Variants in LRIT3 observed in about 807,000 individuals in gnomAD.
LRIT3 encodes the protein leucine-rich repeat, immunoglobulin-like domain and transmembrane domain-containing protein 3.
In LRIT3, 14 loss-of-function variants were observed where a neutral mutation model predicts 22.6. The observed-to-expected ratio is 0.62, with a 90% CI of 0.41 to 0.97. LRIT3 has a LOEUF of 0.97. LRIT3 is among the 50% of genes least tolerant of loss of function. The pLI is 0.00. For missense variants in LRIT3, 783 were observed against 803.0 expected (o/e 0.98, Z 0.30); for synonymous variants, 306 against 304.5 (o/e 1.01, Z -0.05).
At chr4:109,869,503 T>C in intron 3 of LRIT3, 142 bp from the exon 4 acceptor site, 1 of 752,410 alleles carries the variant, frequency 1.3e-6, no homozygotes, top group Non-Finnish European at 2.1e-6. Context: ...TCACCCACTG[T>C]CAGAGACTTG....
rs1434152069 is a variant in LRIT3 at position 109,851,715 on chromosome 4, T to C, written c.328T>C (p.Leu110=). 3.2e-6 allele frequency: 5 copies of C among 1,551,526 alleles called. No homozygotes were observed. The highest frequency in any genetic ancestry group is 3.9e-5 in the Admixed American group (2 of 50,976). The change falls in exon 2 of 4, where the codon TTG becomes CTG. Residue 110 remains leucine (L), a synonymous_variant. Transcript: ENST00000594814. ...TTACAACCTGAAGCAACTGCATGAG[T>C]TGCGCTTGGATGGGAATTCTCTGGC... is the stretch of plus-strand genomic sequence containing the variant. The part of the protein sequence containing the change: ...SFYNLKQLHE[L]RLDGNSLAAF...
intron 1 of LRIT3, among the ~76,000 whole-genome samples, chr4:109,850,411 CTTCCTTCCTTCCTTTCTTTCTTTCT>C (rs1734198072): frequency 1.4e-3 from 16 of 11,538 alleles, no homozygotes; most frequent in African/African-American, 4.4e-3. Flanking sequence ...TCCTTCCTTC[CTTCCTTCCTTCCTTTCTTTCTTTCT>C]TTCTTTCTTT....
In LRIT3 at chr4:109,849,458, G is replaced by A. The variant is rs1296694336; in HGVS notation, c.116+1141G>A. Among the ~76,000 whole-genome samples the A allele has an allele frequency of 5.8e-4, 89 of 152,268 alleles. 2 individuals carry two copies. The highest frequency in any genetic ancestry group is 4.8e-5 in the African/African-American group (2 of 41,562). ...AATAATCTAGTTCAACCCCTTGTCA[G>A]TTTATAAGTGAAGAAACTAAACTGT... On this transcript the variant is annotated intron_variant, in intron 1 of 3. Transcript: ENST00000594814.
chr4:109,859,471 A>G (rs1315586100), intron 2 of LRIT3, among the ~76,000 whole-genome samples: 2 of 152,230 alleles, frequency 1.3e-5, no homozygotes, highest in African/African-American at 4.8e-5. Context: ...TTAGCAAGAT[A>G]TTAATCAGCA....
intron 2 of LRIT3, among the ~76,000 whole-genome samples, chr4:109,860,791 A>G (rs905779575): frequency 1.3e-5 from 2 of 152,246 alleles, no homozygotes; most frequent in African/African-American, 4.8e-5. Flanking sequence ...ATGGAATCAT[A>G]TAAGATGAAC....
intron 2 of LRIT3, among the ~76,000 whole-genome samples, chr4:109,854,217 G>C (rs1242618029): frequency 6.6e-6 from 1 of 152,200 alleles, no homozygotes. Flanking sequence ...TCCTATCCAT[G>C]AGCATGGAAT....
Position 109,851,488 on chromosome 4 carries a change from C to A in LRIT3, c.117-16C>A. 1.3e-6 allele frequency: 2 copies of A among 1,496,676 alleles called. No homozygotes were observed. The highest frequency in any genetic ancestry group is 1.3e-5 in the South Asian group (1 of 75,254). The allele number at this position is 1,496,676 out of a possible 1,614,324, so 92.7% of individuals were successfully genotyped here. A position where few individuals can be genotyped will look rare whatever the true frequency, so the allele number is the denominator to read the frequency against. On this transcript the variant is annotated splice_polypyrimidine_tract_variant and intron_variant, in intron 1 of 3. Transcript: ENST00000594814. ...GGAAAGTGAGTTTCCTCACATTGTT[C>A]ATGTTGTGACACTAGGTTGGTGCTA...
Position 109,850,745 on chromosome 4 carries a change from G to A in LRIT3, c.117-759G>A, listed in dbSNP as rs117796632. ...GCCCACCTTGACCTCCCAAAGTGCTGGGATTACAGCCATGAGCCACATTGC... is the reference window on the plus strand; with the variant it reads ...GCCCACCTTGACCTCCCAAAGTGCTAGGATTACAGCCATGAGCCACATTGC... On this transcript the variant is annotated intron_variant, in intron 1 of 3. Coordinates refer to ENST00000594814, the MANE Select transcript of LRIT3 (RefSeq NM_198506.5). Among the ~76,000 whole-genome samples, 1,626 of 151,988 alleles carry A rather than the reference G, an allele frequency of 0.011. 80 individuals carry two copies. The East Asian group carries it at 0.12, about 11-fold the overall frequency.
intron 2 of LRIT3, among the ~76,000 whole-genome samples, chr4:109,861,172 C>T (rs1179450762): frequency 6.6e-6 from 1 of 151,974 alleles, no homozygotes; most frequent in Non-Finnish European, 1.5e-5. Context: ...AGTTTGAGAC[C>T]AGCCTGGTCA....
chr4:109,864,573 T>A (rs1734633385), intron 2 of LRIT3, among the ~76,000 whole-genome samples: 1 of 152,222 alleles, frequency 6.6e-6, no homozygotes, highest in African/African-American at 2.4e-5. Context: ...ATACACAAAC[T>A]GACCTGATTA....
intron 2 of LRIT3, among the ~76,000 whole-genome samples, chr4:109,854,636 C>T (rs1235736468): frequency 6.6e-6 from 1 of 152,172 alleles, no homozygotes; most frequent in Non-Finnish European, 1.5e-5. Flanking sequence ...AGAGGACATC[C>T]TTGTCTTGTG....
At chr4:109,850,820 G>A (rs1734236410) in intron 1 of LRIT3, among the ~76,000 whole-genome samples, 1 of 151,908 alleles carries the variant, frequency 6.6e-6, no homozygotes, top group African/African-American at 2.4e-5. Flanking sequence ...TTTTATATGT[G>A]CCAACAAACA....
chr4:109,867,686 T>C lies in LRIT3; in HGVS notation c.635T>C (p.Met212Thr), dbSNP rs771634693. 2.5e-6 allele frequency: 4 copies of C among 1,614,152 alleles called. No homozygotes were observed. In the South Asian group the frequency reaches 4.4e-5, roughly 18 times the overall value. Residue 212 changes from methionine (M) to threonine (T), a missense_variant, in exon 3 of 4, where the codon ATG becomes ACG. Coordinates refer to ENST00000594814, the MANE Select transcript of LRIT3 (RefSeq NM_198506.5). ...TTCTGTGACTGTCATATTTCCAAAATGATTGAGTTGTCAAAGGTCGTTGAC... is the reference window on the plus strand; with the variant it reads ...TTCTGTGACTGTCATATTTCCAAAACGATTGAGTTGTCAAAGGTCGTTGAC... Reference protein sequence around the residue: ...PWFCDCHISKMIELSKVVDPA... With the variant: ...PWFCDCHISKTIELSKVVDPA...
Position 109,870,594 on chromosome 4 carries a change from T to G in LRIT3, c.1845T>G (p.Pro615=). 5 of 1,613,790 alleles carry G rather than the reference T, an allele frequency of 3.1e-6. No homozygotes were observed. Among genetic ancestry groups the G allele is most frequent in the Non-Finnish European group, 4.2e-6 (5 of 1,179,732 alleles). The change falls in exon 4 of 4, where the codon CCT becomes CCG. Residue 615 remains proline (P), a synonymous_variant. Coordinates refer to ENST00000594814, the MANE Select transcript of LRIT3 (RefSeq NM_198506.5). ...GCAAACTGCAATGTAAATCAGAACC[T>G]TTTTGGGAAGATGATTTGGCAAAGG... ...KVCKLQCKSE[P]FWEDDLAKET... is the part of the protein sequence containing the mutation.
At chr4:109,852,831 A>G (rs762744508) in intron 2 of LRIT3, among the ~76,000 whole-genome samples, 1 of 152,114 alleles carries the variant, frequency 6.6e-6, no homozygotes, top group Non-Finnish European at 1.5e-5. Flanking sequence ...GAGTGAGAAC[A>G]TGCAGTGTTT....
chr4:109,856,868 C>A (rs2125898626), intron 2 of LRIT3, among the ~76,000 whole-genome samples: 1 of 152,254 alleles, frequency 6.6e-6, no homozygotes, highest in African/African-American at 2.4e-5. Context: ...TGATGTAATG[C>A]AACTCCAGCA....
intron 1 of LRIT3, among the ~76,000 whole-genome samples, chr4:109,850,402 C>CTTTCTTTCTCTTTCTTT (rs1560588814): frequency 0.025 from 19 of 762 alleles, no homozygotes; most frequent in African/African-American, 0.035. Flanking sequence ...TTCCTTCCTT[C>CTTTCTTTCTCTTTCTTT]CTTCCTTCCT....
chr4:109,849,918 T>C (rs1560588605), intron 1 of LRIT3, among the ~76,000 whole-genome samples: 1 of 152,208 alleles, frequency 6.6e-6, no homozygotes, highest in African/African-American at 2.4e-5. Context: ...CGGCCAATAC[T>C]TTCTTAATGA....
chr4:109,858,169 T>A (rs1734449601), intron 2 of LRIT3, among the ~76,000 whole-genome samples: 1 of 152,132 alleles, frequency 6.6e-6, no homozygotes, highest in South Asian at 2.1e-4. Context: ...AGTAGGAGCG[T>A]CCATCCATGT....
Sources: allele counts gnomAD v4.1 joint callset (sites outside exome capture counted in the v4.1 genomes callset), GRCh38; gene constraint gnomAD v4.1.1; transcripts MANE v1.5; gene names NCBI Gene and HGNC (gene_info 2026-07-23, HGNC 2026-07-21).